LRIG1: variants seen among roughly 807,000 people sequenced by gnomAD.
The protein encoded by LRIG1 is leucine-rich repeats and immunoglobulin-like domains protein 1.
A neutral mutation model predicts 99.2 loss-of-function variants in LRIG1; 48 were observed. The observed-to-expected ratio is 0.48, with a 90% CI of 0.38 to 0.62. The LOEUF (loss-of-function observed/expected upper bound fraction) is 0.62, where lower values mean the gene tolerates loss of function less well. Ranked by LOEUF, LRIG1 falls within the 20% of genes least tolerant of loss-of-function variation. The pLI is 0.00. For missense variants in LRIG1, 1,646 were observed against 1,434.4 expected (o/e 1.15, Z -2.38); for synonymous variants, 772 against 596.1 (o/e 1.29, Z -4.30).
At chr3:66,459,048 C>A (rs1360429509) in intron 2 of LRIG1, among the ~76,000 whole-genome samples, 1 of 151,570 alleles carries the variant, frequency 6.6e-6, no homozygotes, top group South Asian at 2.1e-4. Context: ...TTTTATATCA[C>A]AGAGTTGATG....
chr3:66,492,177 A>G (rs1701116161), intron 1 of LRIG1, among the ~76,000 whole-genome samples: 1 of 152,248 alleles, frequency 6.6e-6, no homozygotes. Context: ...GATTTGAAAC[A>G]ACAGCAAGAT....
intron 3 of LRIG1, among the ~76,000 whole-genome samples, chr3:66,446,289 C>T (rs1703720982): frequency 6.6e-6 from 1 of 152,118 alleles, no homozygotes. Context: ...GGGAAGGTGA[C>T]CACCTCCCCG....
At chr3:66,405,430 T>C in intron 8 of LRIG1, 152 bp from the exon 9 acceptor site, 2 of 676,702 alleles carry the variant, frequency 3.0e-6, no homozygotes, top group Non-Finnish European at 5.3e-6. Flanking sequence ...CACGTGGCCC[T>C]GGGAGGGAAG....
intron 12 of LRIG1, 103 bp from the exon 13 acceptor site, chr3:66,386,404 C>G (rs1575647631): frequency 2.0e-6 from 2 of 1,011,260 alleles, no homozygotes; most frequent in South Asian, 1.5e-5. Context: ...CAAGCAGGAA[C>G]CAGAGCTTGA....
At chr3:66,415,085 A>T in intron 4 of LRIG1, 22 bp from the exon 5 acceptor site, 1 of 1,581,288 alleles carries the variant, frequency 6.3e-7, no homozygotes, top group South Asian at 1.2e-5. Flanking sequence ...CAGAAAAGAA[A>T]ATGTGGTGGT....
intron 1 of LRIG1, among the ~76,000 whole-genome samples, chr3:66,493,923 G>GAA (rs375721323): frequency 7.2e-6 from 1 of 138,078 alleles, no homozygotes; most frequent in Non-Finnish European, 1.5e-5. Flanking sequence ...AGGGAGGAGA[G>GAA]AAAGAAAAAA....
chr3:66,417,027 G>C, intron 4 of LRIG1, 102 bp downstream of exon 4: 1 of 1,471,602 alleles, frequency 6.8e-7, no homozygotes, highest in Non-Finnish European at 9.3e-7. Context: ...GGTTGAGAAG[G>C]GAAGGAAGCA....
intron 2 of LRIG1, among the ~76,000 whole-genome samples, chr3:66,458,842 T>A (rs1484395694): frequency 2.0e-5 from 3 of 151,468 alleles, no homozygotes; most frequent in Non-Finnish European, 4.4e-5. Context: ...CATGGTGAAA[T>A]CTCATCTCTA....
At chr3:66,478,368 G>A (rs1700771840) in intron 1 of LRIG1, among the ~76,000 whole-genome samples, 1 of 152,234 alleles carries the variant, frequency 6.6e-6, no homozygotes, top group African/African-American at 2.4e-5. Flanking sequence ...TGCGCAGGCA[G>A]GAGTTTCAGG....
At chr3:66,484,344 G>A (rs529678071) in intron 1 of LRIG1, among the ~76,000 whole-genome samples, 1 of 152,268 alleles carries the variant, frequency 6.6e-6, no homozygotes, top group Admixed American at 6.5e-5. Flanking sequence ...ATACAATGGT[G>A]GATTGGAAAC....
chr3:66,387,149 C>T (rs944305648), intron 12 of LRIG1: 16 of 150,786 alleles, frequency 1.1e-4, no homozygotes, highest in African/African-American at 3.7e-4. Context: ...TTCAACAGCG[C>T]AGCTGTCTGA....
intron 3 of LRIG1, among the ~76,000 whole-genome samples, chr3:66,439,315 C>T (rs565935070): frequency 3.9e-5 from 6 of 152,382 alleles, no homozygotes; most frequent in African/African-American, 1.4e-4. Context: ...CTGATAACCA[C>T]TGTTTTTCCC....
At chr3:66,398,329 G>A (rs964448567) in intron 10 of LRIG1, 146 bp from the exon 11 acceptor site, 5 of 627,174 alleles carry the variant, frequency 8.0e-6, no homozygotes, top group African/African-American at 5.5e-5. Context: ...TTCCCAAATC[G>A]CAACACAAGC....
Position 66,380,141 on chromosome 3 carries a change from A to T in LRIG1, c.*122T>A. On this transcript the variant is annotated 3_prime_UTR_variant, in exon 19 of 19. Transcript: ENST00000273261. ...GATCCAAGTCCTGTGAGCGACTGAT[A>T]CTCCACATGGGAGTTACAACTATGT... 2 of 744,434 alleles carry T rather than the reference A, an allele frequency of 2.7e-6. No individual in the cohort carries two copies. Among genetic ancestry groups the T allele is most frequent in the Non-Finnish European group, 4.3e-6 (2 of 468,346 alleles). 46.1% of individuals were successfully genotyped at this position (744,434 alleles called of 1,614,324 possible). A position where few individuals can be genotyped will look rare whatever the true frequency, so the allele number is the denominator to read the frequency against.
At chr3:66,475,526 T>C (rs1013965657) in intron 1 of LRIG1, among the ~76,000 whole-genome samples, 5 of 152,178 alleles carry the variant, frequency 3.3e-5, no homozygotes, top group African/African-American at 1.2e-4. Context: ...TCCTGAAATA[T>C]TATCAAAGTA....
intron 1 of LRIG1, among the ~76,000 whole-genome samples, chr3:66,477,658 G>A (rs769837482): frequency 4.6e-4 from 70 of 152,062 alleles, no homozygotes; most frequent in Non-Finnish European, 9.0e-4. Context: ...ATCCCCTCTC[G>A]CCTCAAACCT....
At position 66,500,309 on chromosome 3, in the gene LRIG1, G is replaced by C. The variant is rs558132678; in HGVS notation, c.99C>G (p.Ala33=). ...LLLLRLEPVT[A]AAGPRAPCAA... Reference sequence around the variant, plus strand: ...CGCAGGGCGCCCGCGGGCCGGCCGCGGCGGTCACCGGCTCCAGCCGAAGCA... The same window carrying C: ...CGCAGGGCGCCCGCGGGCCGGCCGCCGCGGTCACCGGCTCCAGCCGAAGCA... Residue 33 remains alanine (A), a synonymous_variant, in exon 1 of 19, where the codon GCC becomes GCG. Coordinates refer to ENST00000273261, the MANE Select transcript of LRIG1 (RefSeq NM_015541.3). 8.1e-4 allele frequency: 1,198 copies of C among 1,477,406 alleles called. 1 individual carries two copies. Among genetic ancestry groups the C allele is most frequent in the Non-Finnish European group, 9.9e-4 (1,107 of 1,118,486 alleles). 91.5% of individuals were successfully genotyped at this position (1,477,406 alleles called of 1,614,324 possible). A position where few individuals can be genotyped will look rare whatever the true frequency, so the allele number is the denominator to read the frequency against.
Position 66,380,379 on chromosome 3 carries a change from G to C in LRIG1, c.3166C>G (p.Leu1056Val), listed in dbSNP as rs747890427. 9.3e-6 allele frequency: 15 copies of C among 1,614,216 alleles called. No individual in the cohort carries two copies. In the East Asian group the frequency reaches 3.3e-4, roughly 36 times the overall value. ...TTGGGGAGGTGGCCATTGGAAACAAGCAAGTACTGGGCTTCCGCGCGCTCT... is the reference window on the plus strand; with the variant it reads ...TTGGGGAGGTGGCCATTGGAAACAACCAAGTACTGGGCTTCCGCGCGCTCT... Reference protein sequence around the residue: ...SPERAEAQYLLVSNGHLPKAC... With the variant: ...SPERAEAQYLVVSNGHLPKAC... The change falls in exon 19 of 19, where the codon CTT (leucine) becomes GTT (valine). Residue 1056 changes from leucine (L) to valine (V), a missense_variant. Physicochemically the swap from Leu to Val is conservative, Grantham distance 32. Transcript: ENST00000273261.
intron 3 of LRIG1, among the ~76,000 whole-genome samples, chr3:66,451,131 C>T (rs966255984): frequency 1.3e-4 from 20 of 152,116 alleles, no homozygotes; most frequent in African/African-American, 4.8e-4. Context: ...GGCCTGGGGG[C>T]ACTTTCTTTT....
Sources: gnomAD v4.1 joint callset for allele counts (sites outside exome capture counted in the v4.1 genomes callset) on GRCh38, gnomAD v4.1.1 for gene constraint, MANE v1.5 for transcripts, NCBI Gene and HGNC (gene_info 2026-07-23, HGNC 2026-07-21) for gene names.